The following ZBTB14 variants were observed in gnomAD, a reference collection of about 807,000 sequenced individuals.
The protein encoded by ZBTB14 is zinc finger and BTB domain containing 14.
Under a neutral mutation model 29.5 loss-of-function variants are expected in ZBTB14, and 8 were observed. The observed-to-expected ratio is 0.27, with a 90% confidence interval of 0.16 to 0.49. The LOEUF (loss-of-function observed/expected upper bound fraction) is 0.49, where lower values mean the gene tolerates loss of function less well. ZBTB14 is among the 20% of genes least tolerant of loss of function. The probability of loss-of-function intolerance (pLI) is 0.99; values close to 1 mark genes in which losing one functional copy is unlikely to be tolerated. For synonymous variants in ZBTB14, 226 were observed against 207.2 expected (o/e 1.09, Z -0.78); for missense variants, 333 against 563.8 (o/e 0.59, Z 4.15).
chr18:5,290,781 T>C lies in ZBTB14; in HGVS notation c.*77A>G. The C allele has an allele frequency of 6.5e-7, 1 of 1,540,182 alleles. No individual in the cohort carries two copies. Among genetic ancestry groups the C allele is most frequent in the Non-Finnish European group, 8.7e-7 (1 of 1,144,924 alleles). On this transcript the variant is annotated 3_prime_UTR_variant, in exon 4 of 4. Transcript: ENST00000651870. Reference sequence around the variant, plus strand: ...TCCATACGTTTCCACAAAAATATTGTAACTGGCATTCACTCATTATGATCC... The same window carrying C: ...TCCATACGTTTCCACAAAAATATTGCAACTGGCATTCACTCATTATGATCC...
Position 5,291,225 on chromosome 18 carries a change from G to A in ZBTB14, c.983C>T (p.Thr328Ile). 6.2e-7 allele frequency: 1 copy of A among 1,614,242 alleles called. No homozygotes were observed. The highest frequency in any genetic ancestry group is 8.5e-7 in the Non-Finnish European group (1 of 1,180,048). ...AHLKEHLKIH[T>I]GYKPYSCEVC... ...CTCACAGCTATAGGGCTTATATCCT[G>A]TGTGGATTTTTAGGTGTTCTTTCAG... Residue 328 changes from threonine to isoleucine, a missense_variant, in exon 4 of 4, where the codon ACA becomes ATA. Transcript: ENST00000651870. This position sits in a 1 kb window ranked among gnomAD's most constrained non-coding sequence, Gnocchi z 5.8.
At chr18:5,295,989 G>C (rs1276583971), upstream of ZBTB14, 2 of 151,666 alleles carry the variant, frequency 1.3e-5, no homozygotes, top group Non-Finnish European at 2.9e-5. Flanking sequence ...GTCCCTGATG[G>C]TAGCAGCCCT....
At chr18:5,296,660 A>C (rs1170770914), upstream of ZBTB14, among the ~76,000 whole-genome samples, 2 of 152,132 alleles carry the variant, frequency 1.3e-5, no homozygotes, top group East Asian at 3.9e-4. Context: ...CACAATAAAC[A>C]CTTGCAGAAC....
chr18:5,291,495 G>C lies in ZBTB14; in HGVS notation c.713C>G (p.Ala238Gly), dbSNP rs201411507. The change falls in exon 4 of 4, where the codon GCC becomes GGC. Residue 238 changes from alanine to glycine, a missense_variant. By Grantham distance (60) the Ala-to-Gly change is moderately conservative. Transcript: ENST00000651870. This position sits in a 1 kb window ranked among gnomAD's most constrained non-coding sequence, Gnocchi z 5.8. ...ACTCATCCCATCATTAAATGTTAAGGCTTGAGGGGTCTGGGACCCCAAGTC... is the reference window on the plus strand; with the variant it reads ...ACTCATCCCATCATTAAATGTTAAGCCTTGAGGGGTCTGGGACCCCAAGTC... ...SKDLGSQTPQ[A>G]LTFNDGMSEV... is the part of the protein sequence containing the mutation. 94 of 1,614,028 alleles carry C rather than the reference G, an allele frequency of 5.8e-5. No homozygotes were observed. Among genetic ancestry groups the C allele is most frequent in the Non-Finnish European group, 7.3e-5 (86 of 1,180,040 alleles).
At chr18:5,296,552 C>G (rs1397287521), upstream of ZBTB14, among the ~76,000 whole-genome samples, 1 of 151,852 alleles carries the variant, frequency 6.6e-6, no homozygotes, top group African/African-American at 2.4e-5. Context: ...CCACTTTCGC[C>G]CTCCGCGCAC....
intron 1 of ZBTB14, among the ~76,000 whole-genome samples, chr18:5,295,048 G>A (rs1287561658): frequency 2.0e-5 from 3 of 151,894 alleles, no homozygotes; most frequent in Non-Finnish European, 2.9e-5. Flanking sequence ...GGTGGTGAAA[G>A]GGCCACTTTC....
chr18:5,293,200 C>A, intron 3 of ZBTB14, 44 bp downstream of exon 3: 1 of 1,605,912 alleles, frequency 6.2e-7, no homozygotes, highest in Non-Finnish European at 8.5e-7. Flanking sequence ...AAAGCAAATG[C>A]CAAGTCATTT....
chr18:5,295,557 C>G (rs2071938654), intron 1 of ZBTB14, 95 bp downstream of exon 1: 2 of 144,500 alleles, frequency 1.4e-5, no homozygotes, highest in South Asian at 4.2e-4. Flanking sequence ...CCGCCGCCGC[C>G]TGGCCGCTCC....
rs956692570 is a variant in ZBTB14 at position 5,290,366 on chromosome 18, T to C, written c.*492A>G. On this transcript the variant is annotated 3_prime_UTR_variant, in exon 4 of 4. Transcript: ENST00000651870. ...CTGCATTTCCAGAACTTTTTTTATA[T>C]TTGTGCAGTGTTCTTGGTCAACCAC... 1 of 152,956 alleles carries C rather than the reference T, an allele frequency of 6.5e-6. No individual in the cohort carries two copies. The highest frequency in any genetic ancestry group is 2.4e-5 in the African/African-American group (1 of 41,472). The allele number at this position is 152,956 out of a possible 1,614,324, so 9.5% of individuals were successfully genotyped here. A position where few individuals can be genotyped will look rare whatever the true frequency, so the allele number is the denominator to read the frequency against.
upstream of ZBTB14, among the ~76,000 whole-genome samples, chr18:5,296,670 C>G (rs1437368109): frequency 6.6e-6 from 1 of 152,004 alleles, no homozygotes; most frequent in Non-Finnish European, 1.5e-5. Context: ...ACTTGCAGAA[C>G]AAATGGAAAA....
Position 5,291,344 on chromosome 18 carries a change from A to C in ZBTB14, c.864T>G (p.Asp288Glu). 6.2e-7 allele frequency: 1 copy of C among 1,614,242 alleles called. No homozygotes were observed. The highest frequency in any genetic ancestry group is 1.7e-5 in the Admixed American group (1 of 60,038). ...TCTCATGCTTCCTCAATCTGCCTTCATCAGAAAACGTCTTCCCACACGCCT... is the reference window on the plus strand; with the variant it reads ...TCTCATGCTTCCTCAATCTGCCTTCCTCAGAAAACGTCTTCCCACACGCCT... Reference protein sequence around the residue: ...ACQACGKTFSDEGRLRKHEKL... With the variant: ...ACQACGKTFSEEGRLRKHEKL... The change falls in exon 4 of 4, where the codon GAT becomes GAG. Residue 288 changes from aspartate to glutamate, a missense_variant. Transcript: ENST00000651870. This position sits in a 1 kb window ranked among gnomAD's most constrained non-coding sequence, Gnocchi z 5.8.
At chr18:5,296,878 TA>T (rs11310728), upstream of ZBTB14, 103,227 of 151,676 alleles carry the variant, frequency 0.68, 36,507 homozygotes, top group Non-Finnish European at 0.76. Flanking sequence ...GCTCTGTCCT[TA>T]ACATCCCTGC....
chr18:5,293,294 G>C lies in ZBTB14; in HGVS notation c.-48C>G. 6.2e-7 allele frequency: 1 copy of C among 1,610,898 alleles called. No individual in the cohort carries two copies. Among genetic ancestry groups the C allele is most frequent in the South Asian group, 1.1e-5 (1 of 90,748 alleles). ...AATGCCTTGAACGCCAAAATCTTCAGATCAGAGTAACTCTGATCAGGAGCA... is the reference window on the plus strand; with the variant it reads ...AATGCCTTGAACGCCAAAATCTTCACATCAGAGTAACTCTGATCAGGAGCA... On this transcript the variant is annotated 5_prime_UTR_variant, in exon 3 of 4. In the 5' UTR this introduces an upstream ATG that the reference lacks. Coordinates refer to ENST00000651870, the MANE Select transcript of ZBTB14 (RefSeq NM_001243702.2).
chr18:5,295,231 G>C (rs1357577259), intron 1 of ZBTB14, among the ~76,000 whole-genome samples: 1 of 144,752 alleles, frequency 6.9e-6, no homozygotes, highest in Non-Finnish European at 1.5e-5. Flanking sequence ...CGGAGCTCGC[G>C]CCCCGCGCAC....
chr18:5,295,199 C>T (rs1006674578), intron 1 of ZBTB14, among the ~76,000 whole-genome samples: 127 of 144,662 alleles, frequency 8.8e-4, no homozygotes, highest in Admixed American at 1.0e-3. Flanking sequence ...CGCCGCGCCG[C>T]GCCCCGCTCC....
upstream of ZBTB14, chr18:5,296,936 C>G (rs2071980296): frequency 6.6e-6 from 1 of 152,120 alleles, no homozygotes; most frequent in South Asian, 2.1e-4. Context: ...GTCGCCTTCC[C>G]TCTGACGCGG....
In ZBTB14 at chr18:5,295,705, A is replaced by G. The variant is rs1284627927; in HGVS notation, c.-165T>C. 1 of 150,010 alleles carries G rather than the reference A, an allele frequency of 6.7e-6. No homozygotes were observed. The highest frequency in any genetic ancestry group is 1.5e-5 in the Non-Finnish European group (1 of 67,638). 9.3% of individuals were successfully genotyped at this position (150,010 alleles called of 1,614,324 possible). ...ATCCTGGAGCTGGCTGGTGCCCCAG[A>G]GCTCGGCGAGAACGCGCGTCTTCCG... is the stretch of plus-strand genomic sequence containing the variant. On this transcript the variant is annotated 5_prime_UTR_variant, in exon 1 of 4. Transcript: ENST00000651870.
At chr18:5,293,183 A>T in intron 3 of ZBTB14, 61 bp downstream of exon 3, 1 of 1,578,626 alleles carries the variant, frequency 6.3e-7, no homozygotes, top group Non-Finnish European at 8.7e-7. Context: ...ATTGGTATAT[A>T]TATTTTAAAG....
chr18:5,295,917 C>T (rs2071951488), upstream of ZBTB14: 1 of 149,908 alleles, frequency 6.7e-6, no homozygotes, highest in Non-Finnish European at 1.5e-5. Context: ...CGGTGGGTGG[C>T]AGTGTGTTTT....
Sources: allele counts gnomAD v4.1 joint callset (sites outside exome capture counted in the v4.1 genomes callset), GRCh38; gene constraint gnomAD v4.1.1; non-coding constraint Gnocchi (gnomAD v3.1); transcripts MANE v1.5; gene names NCBI Gene and HGNC (gene_info 2026-07-23, HGNC 2026-07-21).